NALF1: variants seen among roughly 807,000 people sequenced by gnomAD.
NALF1 encodes the protein NALCN channel auxiliary factor 1, also known as family with sequence similarity 155 member A.
In NALF1, 3 loss-of-function variants were observed where a neutral mutation model predicts 48.4. The ratio of observed to expected loss-of-function variants is 0.06; its 90% CI spans 0.03 to 0.16. NALF1 has a LOEUF of 0.16. Ranked by LOEUF, NALF1 falls within the 10% of genes least tolerant of loss-of-function variation. The probability of loss-of-function intolerance (pLI) is 1.00; values close to 1 mark genes in which losing one functional copy is unlikely to be tolerated. For missense variants in NALF1, 526 were observed against 571.5 expected (o/e 0.92, Z 0.81); for synonymous variants, 262 against 245.7 (o/e 1.07, Z -0.62).
At chr13:107,582,836 G>T (rs1034907618) in intron 1 of NALF1, among the ~76,000 whole-genome samples, 3 of 152,162 alleles carry the variant, frequency 2.0e-5, no homozygotes, top group Non-Finnish European at 2.9e-5. Flanking sequence ...AAACTTTCAT[G>T]TGTAATCAAT....
intron 1 of NALF1, among the ~76,000 whole-genome samples, chr13:107,623,576 G>C (rs1430108220): frequency 2.0e-5 from 3 of 152,132 alleles, no homozygotes; most frequent in African/African-American, 7.2e-5. Flanking sequence ...ATGTGCCACA[G>C]GCACTATTGT....
At chr13:107,204,997 A>G (rs1879606159) in intron 2 of NALF1, among the ~76,000 whole-genome samples, 1 of 144,448 alleles carries the variant, frequency 6.9e-6, no homozygotes, top group Admixed American at 7.2e-5. Flanking sequence ...TAATGAGAAC[A>G]TCTTTTTTTT....
At chr13:107,673,118 G>A (rs551781121) in intron 1 of NALF1, among the ~76,000 whole-genome samples, 4 of 152,124 alleles carry the variant, frequency 2.6e-5, no homozygotes, top group Middle Eastern at 3.4e-3. Context: ...GTATGGGTGC[G>A]GCTGCATGTT....
chr13:107,358,950 T>C (rs965555485), intron 1 of NALF1, among the ~76,000 whole-genome samples: 1 of 152,132 alleles, frequency 6.6e-6, no homozygotes, highest in African/African-American at 2.4e-5. Context: ...TAGTTTTTGG[T>C]TTAAAAGCAG....
At chr13:107,680,965 G>GTGTA (rs1361863598) in intron 1 of NALF1, among the ~76,000 whole-genome samples, 1 of 38,146 alleles carries the variant, frequency 2.6e-5, no homozygotes, top group Non-Finnish European at 8.0e-5. Flanking sequence ...GTGTGTGTGT[G>GTGTA]TGTGTACACG....
chr13:107,704,434 T>C (rs1881898390), intron 1 of NALF1, among the ~76,000 whole-genome samples: 2 of 152,190 alleles, frequency 1.3e-5, no homozygotes, highest in Non-Finnish European at 2.9e-5. Flanking sequence ...CATTATATTT[T>C]TGAAAAATTT....
rs533131491 is a variant in NALF1 at position 107,483,281 on chromosome 13, G to A, written c.916-272526C>T. On this transcript the variant is annotated intron_variant, in intron 1 of 2. Transcript: ENST00000375915. Reference sequence around the variant, plus strand: ...ATCTCATTAAAAGTCCCAAATTTCCGTGATTCAAAGACAACTTTATTCCTC... The same window carrying A: ...ATCTCATTAAAAGTCCCAAATTTCCATGATTCAAAGACAACTTTATTCCTC... 1.0e-3 allele frequency among the ~76,000 whole-genome samples: 159 copies of A among 152,166 alleles called. No homozygotes were observed. The Middle Eastern group carries it at 0.014, about 13-fold the overall frequency.
intron 1 of NALF1, among the ~76,000 whole-genome samples, chr13:107,427,364 A>G (rs1884298144): frequency 6.6e-6 from 1 of 152,086 alleles, no homozygotes; most frequent in African/African-American, 2.4e-5. Context: ...CTAGAGTATA[A>G]TAACAGAACT....
chr13:107,212,615 G>A (rs1435045602), intron 1 of NALF1, among the ~76,000 whole-genome samples: 1 of 152,104 alleles, frequency 6.6e-6, no homozygotes, highest in Admixed American at 6.5e-5. Flanking sequence ...CCAAACCATG[G>A]GGAAGTTGAA....
chr13:107,311,644 T>C (rs1286639999), intron 1 of NALF1, among the ~76,000 whole-genome samples: 1 of 151,482 alleles, frequency 6.6e-6, no homozygotes, highest in East Asian at 1.9e-4. Context: ...AGCCTAAAAA[T>C]GGGAGAAAAT....
rs369878492 is a variant in NALF1 at position 107,285,643 on chromosome 13, T to G, written c.916-74888A>C. ...GTTTTATATATATGTATTCATATTATAGTGTATAGCATATATATGGTATAT... is the reference window on the plus strand; with the variant it reads ...GTTTTATATATATGTATTCATATTAGAGTGTATAGCATATATATGGTATAT... On this transcript the variant is annotated intron_variant, in intron 1 of 2. Transcript: ENST00000375915. Among the ~76,000 whole-genome samples, 12 of 152,196 alleles carry G rather than the reference T, an allele frequency of 7.9e-5. No individual in the cohort carries two copies. The East Asian group carries it at 2.3e-3, about 29-fold the overall frequency.
chr13:107,168,207 AATC>A lies in NALF1; in HGVS notation c.*2287_*2289del, dbSNP rs1477454245. 1 of 152,176 alleles carries A rather than the reference AATC, an allele frequency of 6.6e-6. No individual in the cohort carries two copies. The highest frequency in any genetic ancestry group is 1.5e-5 in the Non-Finnish European group (1 of 68,076). The allele number at this position is 152,176 out of a possible 1,614,324, so 9.4% of individuals were successfully genotyped here. ...ATTCCCTTAGAGGTCATCTGAATAA[AATC>A]ACCCTGTGAGCTCTTCCTCAGGAAT... On this transcript the variant is annotated 3_prime_UTR_variant, in exon 3 of 3. Coordinates refer to ENST00000375915, the MANE Select transcript of NALF1 (RefSeq NM_001080396.3).
chr13:107,436,078 C>T (rs1884459676), intron 1 of NALF1, among the ~76,000 whole-genome samples: 1 of 152,172 alleles, frequency 6.6e-6, no homozygotes, highest in Non-Finnish European at 1.5e-5. Flanking sequence ...GCAAGACACA[C>T]CAACGGCAAC....
intron 1 of NALF1, among the ~76,000 whole-genome samples, chr13:107,794,819 T>C (rs1446248784): frequency 2.0e-5 from 3 of 152,152 alleles, no homozygotes; most frequent in African/African-American, 4.8e-5. Context: ...ATGTGAACGT[T>C]TGTACAATGT....
intron 1 of NALF1, among the ~76,000 whole-genome samples, chr13:107,406,547 A>T (rs182853542): frequency 7.2e-4 from 109 of 152,180 alleles, no homozygotes; most frequent in African/African-American, 2.0e-3. Flanking sequence ...TTCCATGTTC[A>T]TGGATTAGAA....
chr13:107,252,760 TATAAAC>T (rs1482680923), intron 1 of NALF1, among the ~76,000 whole-genome samples: 10 of 152,166 alleles, frequency 6.6e-5, no homozygotes, highest in Admixed American at 3.3e-4. Flanking sequence ...CTTTAAACAA[TATAAAC>T]AATATTATTT....
intron 1 of NALF1, among the ~76,000 whole-genome samples, chr13:107,597,684 C>T (rs955633891): frequency 2.6e-5 from 4 of 151,880 alleles, no homozygotes; most frequent in Admixed American, 6.6e-5. Flanking sequence ...CAATTGTAAA[C>T]GACAGTAGAA....
At position 107,170,448 on chromosome 13, in the gene NALF1, C is replaced by T. The variant is rs1431011801; in HGVS notation, c.*49G>A. The T allele has an allele frequency of 1.3e-6, 2 of 1,552,304 alleles. No individual in the cohort carries two copies. The highest frequency in any genetic ancestry group is 1.7e-6 in the Non-Finnish European group (2 of 1,147,876). On this transcript the variant is annotated 3_prime_UTR_variant, in exon 3 of 3. Transcript: ENST00000375915. ...TTCTGTTACATGAGACAGCAGTTGC[C>T]ATTTTTCACGGCGGGCCAGCTGCTG...
intron 1 of NALF1, among the ~76,000 whole-genome samples, chr13:107,470,632 G>C (rs1432286568): frequency 6.6e-6 from 1 of 152,124 alleles, no homozygotes; most frequent in Non-Finnish European, 1.5e-5. Context: ...AAAACTGAGG[G>C]AGCTGGAAAA....
Sources: gnomAD v4.1 joint callset for allele counts (sites outside exome capture counted in the v4.1 genomes callset) on GRCh38, gnomAD v4.1.1 for gene constraint, MANE v1.5 for transcripts, NCBI Gene and HGNC (gene_info 2026-07-23, HGNC 2026-07-21) for gene names.